VAPB: variants seen among roughly 807,000 people sequenced by gnomAD.
VAPB encodes vesicle-associated membrane protein-associated protein B/C.
VAPB carries 7 observed loss-of-function variants against 25.6 expected under a neutral mutation model. That is an observed-to-expected ratio of 0.27 (90% confidence interval 0.16 to 0.51). The LOEUF (loss-of-function observed/expected upper bound fraction) is 0.51, where lower values mean the gene tolerates loss of function less well. Ranked by LOEUF, VAPB falls within the 20% of genes least tolerant of loss-of-function variation. The pLI is 0.97. For synonymous variants in VAPB, 112 were observed against 109.2 expected (o/e 1.03, Z -0.16); for missense variants, 266 against 301.3 (o/e 0.88, Z 0.87).
chr20:58,439,115 C>G (rs1989108455), intron 4 of VAPB, 90 bp downstream of exon 4: 10 of 1,259,802 alleles, frequency 7.9e-6, no homozygotes, highest in Admixed American at 3.5e-5. Context: ...TTTAAGTTGG[C>G]AAATTATTTT....
At chr20:58,389,650 G>A in intron 1 of VAPB, 133 bp downstream of exon 1, 1 of 975,824 alleles carries the variant, frequency 1.0e-6, no homozygotes, top group Non-Finnish European at 1.4e-6. Flanking sequence ...CGGCGAGGCC[G>A]GGCCGGGCCT....
At chr20:58,419,524 C>T (rs1451806754) in intron 2 of VAPB, among the ~76,000 whole-genome samples, 1 of 152,178 alleles carries the variant, frequency 6.6e-6, no homozygotes, top group Non-Finnish European at 1.5e-5. Context: ...TTTCTCTTAC[C>T]TGCCCTGTAA....
At position 58,434,609 on chromosome 20, in the gene VAPB, A is replaced by G. The variant is rs144027663; in HGVS notation, c.219A>G (p.Leu73=). The change falls in exon 3 of 6, where the codon TTA becomes TTG. Residue 73 remains leucine (L), a synonymous_variant. Coordinates refer to ENST00000475243, the MANE Select transcript of VAPB (RefSeq NM_004738.5). ...AGASINVSVM[L]QPFDYDPNEK... ...AAATATTTTCTTTCTCAGTGATGTT[A>G]CAGCCTTTCGATTATGATCCCAATG... 9.7e-6 allele frequency: 15 copies of G among 1,544,242 alleles called. No individual in the cohort carries two copies. The highest frequency in any genetic ancestry group is 3.3e-5 in the Admixed American group (2 of 59,906).
chr20:58,438,226 C>T lies in VAPB; in HGVS notation c.316-719C>T, dbSNP rs968550759. Among the ~76,000 whole-genome samples the T allele has an allele frequency of 1.2e-4, 18 of 152,196 alleles. No individual in the cohort carries two copies. In the East Asian group the frequency reaches 1.4e-3, roughly 11 times the overall value. On this transcript the variant is annotated intron_variant, in intron 3 of 5. Transcript: ENST00000475243. ...TCTGAAACTAGTCCCAGATAGTATG[C>T]GCTTATACTTTCTAGATATGCCTTT...
intron 3 of VAPB, among the ~76,000 whole-genome samples, chr20:58,438,223 A>G (rs568367982): frequency 6.6e-6 from 1 of 152,294 alleles, no homozygotes; most frequent in Admixed American, 6.5e-5. Context: ...CCCAGATAGT[A>G]TGCGCTTATA....
intron 2 of VAPB, among the ~76,000 whole-genome samples, chr20:58,429,422 TG>T (rs1404727132): frequency 6.6e-6 from 1 of 152,258 alleles, no homozygotes; most frequent in Non-Finnish European, 1.5e-5. Context: ...CTTGCATGCC[TG>T]TTTATGTCTT....
chr20:58,420,227 C>G (rs751128396), intron 2 of VAPB, among the ~76,000 whole-genome samples: 5 of 152,174 alleles, frequency 3.3e-5, no homozygotes. Flanking sequence ...TCAAGTGATC[C>G]GCCTGCCTCG....
At chr20:58,419,315 C>T (rs1600797811) in intron 2 of VAPB, among the ~76,000 whole-genome samples, 2 of 152,292 alleles carry the variant, frequency 1.3e-5, no homozygotes, top group South Asian at 4.1e-4. Context: ...ATTATCTGAT[C>T]GTTTCTGCAA....
Position 58,446,497 on chromosome 20 carries a change from G to T in VAPB, c.*2262G>T, listed in dbSNP as rs1397651158. ...AAAACTTTATTCACAAAAACAGCCGGGTCATGGGATTTGGCTTGTGAGTCT... is the reference window on the plus strand; with the variant it reads ...AAAACTTTATTCACAAAAACAGCCGTGTCATGGGATTTGGCTTGTGAGTCT... On this transcript the variant is annotated 3_prime_UTR_variant, in exon 6 of 6. Coordinates refer to ENST00000475243, the MANE Select transcript of VAPB (RefSeq NM_004738.5). 5 of 454,064 alleles carry T rather than the reference G, an allele frequency of 1.1e-5. No individual in the cohort carries two copies. Among genetic ancestry groups the T allele is most frequent in the Non-Finnish European group, 1.8e-5 (4 of 226,774 alleles). The allele number at this position is 454,064 out of a possible 1,614,324, so 28.1% of individuals were successfully genotyped here.
chr20:58,427,127 A>G (rs1988807600), intron 2 of VAPB, among the ~76,000 whole-genome samples: 1 of 150,456 alleles, frequency 6.6e-6, no homozygotes, highest in Admixed American at 6.6e-5. Flanking sequence ...ATCTGTTACC[A>G]TTATGATGCA....
chr20:58,448,474 G>T lies in VAPB; in HGVS notation c.*4239G>T. The T allele has an allele frequency of 2.2e-6, 1 of 454,070 alleles. No individual in the cohort carries two copies. Among genetic ancestry groups the T allele is most frequent in the Non-Finnish European group, 4.4e-6 (1 of 226,790 alleles). 28.1% of individuals were successfully genotyped at this position (454,070 alleles called of 1,614,324 possible). ...AACTTAATCCTTGCAACTGTGACTG[G>T]GGGGTAGATGGCTCTGTTTGCATAC... On this transcript the variant is annotated 3_prime_UTR_variant, in exon 6 of 6. Coordinates refer to ENST00000475243, the MANE Select transcript of VAPB (RefSeq NM_004738.5).
At chr20:58,441,369 C>T (rs767816609) in intron 5 of VAPB, among the ~76,000 whole-genome samples, 11 of 151,968 alleles carry the variant, frequency 7.2e-5, no homozygotes, top group South Asian at 4.2e-4. Flanking sequence ...TGGCCGGGTG[C>T]GGTGGCTCAC....
At chr20:58,409,761 T>C (rs1334313108) in intron 1 of VAPB, among the ~76,000 whole-genome samples, 1 of 152,260 alleles carries the variant, frequency 6.6e-6, no homozygotes, top group East Asian at 1.9e-4. Context: ...TGGTAACATA[T>C]ATAGGTTGAG....
chr20:58,389,308 C>A lies in VAPB; in HGVS notation c.-152C>A, dbSNP rs753958893. On this transcript the variant is annotated 5_prime_UTR_variant, in exon 1 of 6. Coordinates refer to ENST00000475243, the MANE Select transcript of VAPB (RefSeq NM_004738.5). ...GCCTGCACCGCGTAGACCGACCCCC[C>A]CCCAGCGCGCCCACCCGGTAGAGGA... The A allele has an allele frequency of 3.9e-4, 274 of 708,918 alleles. 11 individuals carry two copies. The highest frequency in any genetic ancestry group is 8.0e-4 in the Middle Eastern group (2 of 2,506). 43.9% of individuals were successfully genotyped at this position (708,918 alleles called of 1,614,324 possible).
intron 1 of VAPB, among the ~76,000 whole-genome samples, chr20:58,402,745 C>T (rs1194833317): frequency 1.3e-5 from 2 of 152,074 alleles, no homozygotes; most frequent in Admixed American, 1.3e-4. Context: ...TGGCTCACAC[C>T]TGTAATCCAA....
At chr20:58,440,512 C>T (rs1280351134) in intron 4 of VAPB, 2 of 229,700 alleles carry the variant, frequency 8.7e-6, no homozygotes, top group Non-Finnish European at 1.7e-5. Flanking sequence ...TCCCAAGCCT[C>T]CTAACCCCAC....
intron 1 of VAPB, among the ~76,000 whole-genome samples, chr20:58,399,248 C>G (rs1461672716): frequency 6.6e-6 from 1 of 150,454 alleles, no homozygotes; most frequent in Non-Finnish European, 1.5e-5. Flanking sequence ...TGCAGTGAGC[C>G]GAGATCGTGC....
Position 58,445,402 on chromosome 20 carries a change from A to G in VAPB, c.*1167A>G. 2.2e-6 allele frequency: 1 copy of G among 454,566 alleles called. No individual in the cohort carries two copies. Among genetic ancestry groups the G allele is most frequent in the Non-Finnish European group, 4.4e-6 (1 of 226,790 alleles). The allele number at this position is 454,566 out of a possible 1,614,324, so 28.2% of individuals were successfully genotyped here. On this transcript the variant is annotated 3_prime_UTR_variant, in exon 6 of 6. Transcript: ENST00000475243. The stretch of plus-strand genomic sequence containing the variant: ...CACCAGCAGTTGTGGGTGGGGAGCA[A>G]GGGAAGAGAGAAACTCTTCAGCGAA...
rs777944435 is a variant in VAPB at position 58,449,332 on chromosome 20, T to C, written c.*5097T>C. 6.7e-6 allele frequency: 3 copies of C among 449,890 alleles called. No individual in the cohort carries two copies. Among genetic ancestry groups the C allele is most frequent in the East Asian group, 1.4e-4 (2 of 14,398 alleles). The allele number at this position is 449,890 out of a possible 1,614,324, so 27.9% of individuals were successfully genotyped here. ...GCTTTTTATTTTCATTACAGAGATA[T>C]TTTGAAAAATTTAAAAGACATGAAC... On this transcript the variant is annotated 3_prime_UTR_variant, in exon 6 of 6. Transcript: ENST00000475243.
Sources: gnomAD v4.1 joint callset for allele counts (sites outside exome capture counted in the v4.1 genomes callset) on GRCh38, gnomAD v4.1.1 for gene constraint, MANE v1.5 for transcripts, NCBI Gene and HGNC (gene_info 2026-07-23, HGNC 2026-07-21) for gene names.